PTPA: variants seen among roughly 807,000 people sequenced by gnomAD.
The protein encoded by PTPA is serine/threonine-protein phosphatase 2A activator.
PTPA carries 13 observed loss-of-function variants against 43.6 expected under a neutral mutation model. That is an observed-to-expected ratio of 0.30 (90% confidence interval 0.19 to 0.47). PTPA has a LOEUF of 0.47. PTPA is among the 20% of genes least tolerant of loss of function. The pLI is 0.99. For missense variants in PTPA, 329 were observed against 411.9 expected, an observed-to-expected ratio of 0.80 and a Z score of 1.74; for synonymous variants, 172 against 158.2, an observed-to-expected ratio of 1.09 and a Z score of -0.66.
chr9:129,138,041 G>A (rs1485435314), intron 8 of PTPA: 9 of 353,230 alleles, frequency 2.5e-5, no homozygotes, highest in Non-Finnish European at 5.0e-5. Context: ...TTTCGGTGGG[G>A]CCCCACAAGG....
intron 8 of PTPA, among the ~76,000 whole-genome samples, chr9:129,141,005 G>C (rs1002031430): frequency 6.6e-6 from 1 of 152,062 alleles, no homozygotes; most frequent in African/African-American, 2.4e-5. Context: ...TGGGTGCCTC[G>C]GGCTCTTGCC....
At chr9:129,112,378 C>T (rs1848582415) in intron 1 of PTPA, among the ~76,000 whole-genome samples, 1 of 152,156 alleles carries the variant, frequency 6.6e-6, no homozygotes, top group Non-Finnish European at 1.5e-5. Context: ...GAAGGACTGG[C>T]CATAGATAAC....
intron 1 of PTPA, among the ~76,000 whole-genome samples, chr9:129,113,407 T>C (rs933383429): frequency 6.6e-6 from 1 of 151,692 alleles, no homozygotes; most frequent in African/African-American, 2.4e-5. Context: ...TAAGAAAGTT[T>C]ACAAATTTGT....
intron 8 of PTPA, chr9:129,137,898 T>A: frequency 1.6e-6 from 1 of 607,008 alleles, no homozygotes; most frequent in Non-Finnish European, 3.0e-6. Context: ...CAGTTCTCCT[T>A]CAGTTTCTCC....
intron 5 of PTPA, among the ~76,000 whole-genome samples, chr9:129,133,655 A>G (rs867250112): frequency 6.6e-6 from 1 of 152,170 alleles, no homozygotes; most frequent in Non-Finnish European, 1.5e-5. Context: ...GAAGGAGGAT[A>G]CTTTTTCACC....
chr9:129,143,809 C>T (rs921975401), intron 9 of PTPA, among the ~76,000 whole-genome samples: 11 of 151,994 alleles, frequency 7.2e-5, no homozygotes, highest in African/African-American at 9.7e-5. Flanking sequence ...CTCTCCACTC[C>T]GACTCTGCCC....
chr9:129,143,536 GC>G, intron 9 of PTPA: 1 of 678,436 alleles, frequency 1.5e-6, no homozygotes, highest in South Asian at 1.5e-5. Flanking sequence ...GGGGAAGGGT[GC>G]CAGAGGCCAG....
intron 3 of PTPA, among the ~76,000 whole-genome samples, chr9:129,125,088 G>A (rs766122595): frequency 7.2e-5 from 11 of 152,114 alleles, no homozygotes; most frequent in Non-Finnish European, 1.3e-4. Context: ...GGAAAGAGGG[G>A]GTTCCTCCTG....
Position 129,129,017 on chromosome 9 carries a change from G to T in PTPA, c.249G>T (p.Thr83=), listed in dbSNP as rs755173337. ...AIEKLVALLN[T]LDRWIDETPP... Reference sequence around the variant, plus strand: ...AGAAACTAGTCGCTCTTCTCAACACGCTGGACAGGTGGATTGATGAGACTC... The same window carrying T: ...AGAAACTAGTCGCTCTTCTCAACACTCTGGACAGGTGGATTGATGAGACTC... The change falls in exon 4 of 10, where the codon ACG becomes ACT. Residue 83 remains threonine, a synonymous_variant. Transcript: ENST00000393370. 1.9e-6 allele frequency: 3 copies of T among 1,613,080 alleles called. No homozygotes were observed. Among genetic ancestry groups the T allele is most frequent in the South Asian group, 1.1e-5 (1 of 91,026 alleles).
intron 3 of PTPA, among the ~76,000 whole-genome samples, chr9:129,124,451 G>A (rs75223857): frequency 4.1e-4 from 62 of 152,310 alleles, no homozygotes; most frequent in African/African-American, 1.2e-3. Flanking sequence ...CCTTGTTTCC[G>A]AAGGATTCAT....
At chr9:129,135,265 C>T (rs1374525756) in intron 6 of PTPA, among the ~76,000 whole-genome samples, 2 of 152,068 alleles carry the variant, frequency 1.3e-5, no homozygotes, top group African/African-American at 2.4e-5. Context: ...TGGTGGCACT[C>T]GCCTGTAATT....
chr9:129,122,939 CAGG>C (rs1849344008), intron 2 of PTPA, 110 bp from the exon 3 acceptor site: 3 of 754,602 alleles, frequency 4.0e-6, no homozygotes, highest in Non-Finnish European at 6.8e-6. Flanking sequence ...GAGTCAGGGT[CAGG>C]AGAAGTAGAA....
At chr9:129,133,038 A>G (rs3124508) in intron 5 of PTPA, among the ~76,000 whole-genome samples, 150,610 of 151,340 alleles carry the variant, frequency 1, 74,948 homozygotes, top group Middle Eastern at 1. Context: ...GAAGGGAGGC[A>G]TTCTCTGTGT....
chr9:129,143,692 A>C, intron 9 of PTPA: 1 of 447,388 alleles, frequency 2.2e-6, no homozygotes, highest in Non-Finnish European at 4.1e-6. Flanking sequence ...TGGACCTCAC[A>C]TCCTGTGTTT....
chr9:129,112,581 C>T (rs1241460592), intron 1 of PTPA, among the ~76,000 whole-genome samples: 1 of 152,190 alleles, frequency 6.6e-6, no homozygotes, highest in Non-Finnish European at 1.5e-5. Flanking sequence ...AGCTGGGTTC[C>T]GTTTCTTAGG....
chr9:129,138,590 C>T (rs1465735534), intron 8 of PTPA, among the ~76,000 whole-genome samples: 1 of 152,164 alleles, frequency 6.6e-6, no homozygotes, highest in African/African-American at 2.4e-5. Context: ...TTCTATCCCT[C>T]CTCAGTCCCT....
chr9:129,111,714 T>C, intron 1 of PTPA, 83 bp downstream of exon 1: 2 of 1,236,664 alleles, frequency 1.6e-6, no homozygotes, highest in Non-Finnish European at 1.0e-6. Context: ...AGGGCGAGAG[T>C]CATGACACGG....
intron 1 of PTPA, among the ~76,000 whole-genome samples, chr9:129,117,887 G>A (rs1848983804): frequency 6.6e-6 from 1 of 151,182 alleles, no homozygotes; most frequent in South Asian, 2.1e-4. Flanking sequence ...TAGTAGAGAT[G>A]GGGTTTCAAT....
intron 8 of PTPA, 197 bp downstream of exon 8, chr9:129,137,889 A>T: frequency 1.6e-6 from 1 of 619,116 alleles, no homozygotes; most frequent in Non-Finnish European, 3.0e-6. Flanking sequence ...TCCTCCGCCC[A>T]GTTCTCCTTC....
Sources: gnomAD v4.1 joint callset for allele counts (sites outside exome capture counted in the v4.1 genomes callset) on GRCh38, gnomAD v4.1.1 for gene constraint, MANE v1.5 for transcripts, NCBI Gene and HGNC (gene_info 2026-07-23, HGNC 2026-07-21) for gene names.